ANKRD42: variants seen among roughly 807,000 people sequenced by gnomAD.
ANKRD42 encodes the protein ankyrin repeat domain 42.
ANKRD42 carries 43 observed loss-of-function variants against 51.5 expected under a neutral mutation model. The observed-to-expected ratio is 0.83, with a 90% CI of 0.65 to 1.08. The LOEUF (loss-of-function observed/expected upper bound fraction) is 1.08, where lower values mean the gene tolerates loss of function less well. Ranked by LOEUF, ANKRD42 falls within the 50% of genes least tolerant of loss-of-function variation. The probability of loss-of-function intolerance (pLI) is 0.00; values close to 1 mark genes in which losing one functional copy is unlikely to be tolerated. For missense variants in ANKRD42, 608 were observed against 629.3 expected, an observed-to-expected ratio of 0.97 and a Z score of 0.36; for synonymous variants, 203 against 213.0, an observed-to-expected ratio of 0.95 and a Z score of 0.41.
intron 5 of ANKRD42, among the ~76,000 whole-genome samples, chr11:83,212,106 T>C (rs574990014): frequency 6.6e-6 from 1 of 152,084 alleles, no homozygotes; most frequent in South Asian, 2.1e-4. Flanking sequence ...TTTTTTGAGA[T>C]AGGGTCTTGC....
intron 8 of ANKRD42, among the ~76,000 whole-genome samples, chr11:83,237,913 G>A (rs149801734): frequency 0.012 from 1,892 of 152,146 alleles, 40 homozygotes; most frequent in African/African-American, 0.043. Flanking sequence ...CCAAGTAAAC[G>A]CTGATCTGCT....
chr11:83,210,609 C>G (rs563047367), intron 4 of ANKRD42, among the ~76,000 whole-genome samples, 190 bp downstream of exon 4: 22 of 152,264 alleles, frequency 1.4e-4, no homozygotes, highest in East Asian at 5.8e-4. Context: ...CTCTTCCCCC[C>G]CAAAAACCAA....
chr11:83,194,971 A>G (rs1026115251), intron 1 of ANKRD42, among the ~76,000 whole-genome samples: 2 of 151,902 alleles, frequency 1.3e-5, no homozygotes, highest in South Asian at 4.2e-4. Context: ...CTTGACATCA[A>G]CTCTTGTTCA....
intron 6 of ANKRD42, 88 bp downstream of exon 6, chr11:83,225,143 GAT>G: frequency 8.5e-7 from 1 of 1,171,366 alleles, no homozygotes; most frequent in African/African-American, 1.6e-5. Flanking sequence ...AATAGGAAAA[GAT>G]ATAAGGCAAA....
intron 2 of ANKRD42, among the ~76,000 whole-genome samples, chr11:83,200,605 A>C (rs1009842253): frequency 6.6e-6 from 1 of 152,214 alleles, no homozygotes; most frequent in African/African-American, 2.4e-5. Context: ...TGCAGTGAGA[A>C]CTAGTCACTA....
chr11:83,248,196 CT>C lies in ANKRD42; in HGVS notation c.1582del (p.Ter528AspfsTer14). On this transcript the variant is annotated frameshift_variant, in exon 11 of 11. Transcript: ENST00000533342. LOFTEE classifies it high-confidence loss of function. Reference protein sequence around the residue: ...GSLDLNPGYSLF With the variant: ...GSLDLNPGYSXF ...TTTGGACTTGAATCCTGGCTATAGT[CT>C]TTTTTGATTTGGGCTACTCATTTAA... is the stretch of plus-strand genomic sequence containing the variant. The C allele has an allele frequency of 6.7e-7, 1 of 1,501,276 alleles. No individual in the cohort carries two copies. Among genetic ancestry groups the C allele is most frequent in the Non-Finnish European group, 8.9e-7 (1 of 1,127,832 alleles). 93.0% of individuals were successfully genotyped at this position (1,501,276 alleles called of 1,614,324 possible).
chr11:83,224,974 G>T lies in ANKRD42; in HGVS notation c.706G>T (p.Ala236Ser). 6.2e-7 allele frequency: 1 copy of T among 1,613,632 alleles called. No individual in the cohort carries two copies. Among genetic ancestry groups the T allele is most frequent in the East Asian group, 2.2e-5 (1 of 44,860 alleles). The change falls in exon 6 of 11, where the codon GCC becomes TCC. Residue 236 changes from alanine to serine, a missense_variant. Coordinates refer to ENST00000533342, the MANE Select transcript of ANKRD42 (RefSeq NM_001300975.2). ...TAATGGAGAAAATGTACTGGATTTG[G>T]CCCAGAGGTTCTTCAAGCAGAACAT... ...NDNGENVLDL[A>S]QRFFKQNILQ...
chr11:83,213,496 G>C, intron 5 of ANKRD42: 1 of 1,326,320 alleles, frequency 7.5e-7, no homozygotes, highest in Non-Finnish European at 9.7e-7. Context: ...TTTGTGTTAG[G>C]CTTCCTTCGC....
intron 3 of ANKRD42, among the ~76,000 whole-genome samples, chr11:83,207,441 A>G (rs1397914757): frequency 6.6e-6 from 1 of 152,236 alleles, no homozygotes; most frequent in Non-Finnish European, 1.5e-5. Context: ...AAAAATATAG[A>G]TGAGAAGAAT....
rs1381029097 is a variant in ANKRD42 at position 83,213,516 on chromosome 11, C to T, written c.586+2086C>T. ...GTTAGGCTTCCTTCGCTTTTTCAGA[C>T]TGCTTTCAATTTCCATTTTCACATA... On this transcript the variant is annotated intron_variant, in intron 5 of 10. Coordinates refer to ENST00000533342, the MANE Select transcript of ANKRD42 (RefSeq NM_001300975.2). 3.1e-6 allele frequency: 4 copies of T among 1,300,784 alleles called. No homozygotes were observed. In the East Asian group the frequency reaches 1.0e-4, roughly 33 times the overall value. The allele number at this position is 1,300,784 out of a possible 1,614,324, so 80.6% of individuals were successfully genotyped here.
rs1299899410 is a variant in ANKRD42 at position 83,210,331 on chromosome 11, C to T, written c.362C>T (p.Ala121Val). The change falls in exon 4 of 11, where the codon GCC (alanine) becomes GTC (valine). Residue 121 changes from alanine to valine, a missense_variant. Physicochemically the swap from Ala to Val is moderately conservative, Grantham distance 64. Transcript: ENST00000533342. Reference protein sequence around the residue: ...ALIMNGANLTAQDDRGCTPLH... With the variant: ...ALIMNGANLTVQDDRGCTPLH... ...ATAATGAATGGAGCAAATCTGACAG[C>T]CCAGGATGACCGGGGATGCACTCCT... 6.2e-7 allele frequency: 1 copy of T among 1,613,740 alleles called. No individual in the cohort carries two copies. Among genetic ancestry groups the T allele is most frequent in the Non-Finnish European group, 8.5e-7 (1 of 1,179,806 alleles).
At chr11:83,208,588 C>T (rs1206193656) in intron 3 of ANKRD42, among the ~76,000 whole-genome samples, 1 of 151,818 alleles carries the variant, frequency 6.6e-6, no homozygotes, top group African/African-American at 2.4e-5. Flanking sequence ...TAGGTGGTGG[C>T]AGAGGGAAAG....
chr11:83,195,703 T>C (rs1861619880), intron 1 of ANKRD42, among the ~76,000 whole-genome samples: 2 of 152,196 alleles, frequency 1.3e-5, no homozygotes, highest in Non-Finnish European at 2.9e-5. Flanking sequence ...ACTGTATCCA[T>C]TCCAGTTTAG....
At chr11:83,205,487 A>T (rs755821805) in intron 2 of ANKRD42, among the ~76,000 whole-genome samples, 3 of 152,192 alleles carry the variant, frequency 2.0e-5, no homozygotes, top group Non-Finnish European at 4.4e-5. Context: ...AGACAGTAAC[A>T]CCGTATGTGG....
chr11:83,238,973 C>T (rs1863305393), intron 8 of ANKRD42, among the ~76,000 whole-genome samples: 1 of 151,152 alleles, frequency 6.6e-6, no homozygotes, highest in African/African-American at 2.4e-5. Context: ...CGCACCACAG[C>T]ACTCCAACCT....
Position 83,227,770 on chromosome 11 carries a change from G to C in ANKRD42, c.811G>C (p.Ala271Pro). The C allele has an allele frequency of 6.2e-7, 1 of 1,611,662 alleles. No homozygotes were observed. Among genetic ancestry groups the C allele is most frequent in the Non-Finnish European group, 8.5e-7 (1 of 1,179,274 alleles). The stretch of plus-strand genomic sequence containing the variant: ...AGCTTTAGCATTTCCAGGTCATGTG[G>C]CTGCCTTTAAGGGTGATTTGGGGAT... ...QETLAFPGHVAAFKGDLGMLK... is the reference protein window; with the variant it reads ...QETLAFPGHVPAFKGDLGMLK... Residue 271 changes from alanine (A) to proline (P), a missense_variant, in exon 7 of 11, where the codon GCT becomes CCT. Physicochemically the swap from Ala to Pro is conservative, Grantham distance 27 (BLOSUM62 -1). Transcript: ENST00000533342.
At position 83,206,038 on chromosome 11, in the gene ANKRD42, T is replaced by A; in HGVS notation, c.223-20T>A. 6.3e-7 allele frequency: 1 copy of A among 1,594,706 alleles called. No individual in the cohort carries two copies. Among genetic ancestry groups the A allele is most frequent in the Non-Finnish European group, 8.6e-7 (1 of 1,164,250 alleles). On this transcript the variant is annotated intron_variant, in intron 2 of 10. Coordinates refer to ENST00000533342, the MANE Select transcript of ANKRD42 (RefSeq NM_001300975.2). ...TAAAAACATCCACTTTATCACTTGT[T>A]AACATGGTTATTTTCTTAGTGTCTT...
chr11:83,246,337 T>C (rs1258641954), intron 10 of ANKRD42, among the ~76,000 whole-genome samples: 1 of 152,194 alleles, frequency 6.6e-6, no homozygotes, highest in Non-Finnish European at 1.5e-5. Context: ...AGAATGCATA[T>C]AGATTATATG....
downstream of ANKRD42, among the ~76,000 whole-genome samples, chr11:83,251,886 G>C (rs1863681224): frequency 1.3e-5 from 2 of 151,990 alleles, no homozygotes; most frequent in Admixed American, 1.3e-4. Flanking sequence ...CCTTGGGGTA[G>C]GAAAAAAATG....
Sources: allele counts gnomAD v4.1 joint callset (sites outside exome capture counted in the v4.1 genomes callset), GRCh38; gene constraint gnomAD v4.1.1; transcripts MANE v1.5; gene names NCBI Gene and HGNC (gene_info 2026-07-23, HGNC 2026-07-21).